The following FOXL2NB variants were observed in gnomAD, a reference collection of about 807,000 sequenced individuals.
The protein encoded by FOXL2NB is FOXL2 neighbor.
A neutral mutation model predicts 7.4 loss-of-function variants in FOXL2NB; 10 were observed. That is an observed-to-expected ratio of 1.34 (90% CI 0.83 to 2.28). The LOEUF (loss-of-function observed/expected upper bound fraction) is 2.28. Ranked by LOEUF, FOXL2NB falls within the 30% of genes most tolerant of loss-of-function variation. The probability of loss-of-function intolerance (pLI) is 0.00; values close to 1 mark genes in which losing one functional copy is unlikely to be tolerated. For synonymous variants in FOXL2NB, 104 were observed against 105.3 expected, an observed-to-expected ratio of 0.99 and a Z score of 0.08; for missense variants, 228 against 233.9, an observed-to-expected ratio of 0.97 and a Z score of 0.17.
chr3:138,950,245 A>T lies in FOXL2NB; in HGVS notation c.221-20A>T, dbSNP rs1268134834. ...CGCGAGCAATCTACACGGCTCTGATACAGACGCTTTTCTCCCCAGGGCCGG... is the reference window on the plus strand; with the variant it reads ...CGCGAGCAATCTACACGGCTCTGATTCAGACGCTTTTCTCCCCAGGGCCGG... On this transcript the variant is annotated intron_variant, in intron 2 of 2. Transcript: ENST00000383165. The T allele has an allele frequency of 9.4e-6, 15 of 1,603,768 alleles. No individual in the cohort carries two copies. The highest frequency in any genetic ancestry group is 4.0e-5 in the African/African-American group (3 of 74,240).
intron 2 of FOXL2NB, 40 bp from the exon 3 acceptor site, chr3:138,950,225 G>A: frequency 1.2e-6 from 2 of 1,604,872 alleles, no homozygotes; most frequent in Non-Finnish European, 8.5e-7. Flanking sequence ...GCCGGCGCGA[G>A]CAATCTACAC....
chr3:138,949,402 G>GTC lies in FOXL2NB; in HGVS notation c.101-117_101-116insCT. 9.0e-7 allele frequency: 1 copy of GTC among 1,111,398 alleles called. No individual in the cohort carries two copies. The highest frequency in any genetic ancestry group is 2.6e-5 in the East Asian group (1 of 38,958). 68.8% of individuals were successfully genotyped at this position (1,111,398 alleles called of 1,614,324 possible). The stretch of plus-strand genomic sequence containing the variant: ...TGTGTATGCATGTGCGTGTGTGTGT[G>GTC]TGTGTGTGTGTGTGTAGGGGTTGGG... On this transcript the variant is annotated intron_variant, in intron 1 of 2. Transcript: ENST00000383165. This position sits in a 1 kb window ranked among gnomAD's most constrained non-coding sequence, Gnocchi z 4.5.
At position 138,952,186 on chromosome 3, in the gene FOXL2NB, A is replaced by G. The variant is rs951599161; in HGVS notation, c.*1614A>G. On this transcript the variant is annotated 3_prime_UTR_variant, in exon 3 of 3. Transcript: ENST00000383165. ...ACAGAGAAGTCTCTGCATTCAGGGC[A>G]GCTGGCTTGCAAGGTAAGGCCTGCA... The G allele has an allele frequency of 6.6e-6, 1 of 152,288 alleles. No individual in the cohort carries two copies. Among genetic ancestry groups the G allele is most frequent in the Non-Finnish European group, 1.5e-5 (1 of 68,074 alleles). 9.4% of individuals were successfully genotyped at this position (152,288 alleles called of 1,614,324 possible). A position where few individuals can be genotyped will look rare whatever the true frequency, so the allele number is the denominator to read the frequency against.
chr3:138,949,791 A>G lies in FOXL2NB; in HGVS notation c.220+152A>G. ...TTGCCGGCCCAGCCAGAGGTGGGTG[A>G]ACCGGGCGCTCCAGGAAACGGTGCG... On this transcript the variant is annotated intron_variant, in intron 2 of 2. Transcript: ENST00000383165. The surrounding 1 kb of genome is among the most constrained non-coding windows in gnomAD (Gnocchi z 4.5). 8.7e-7 allele frequency: 1 copy of G among 1,145,500 alleles called. No individual in the cohort carries two copies. Among genetic ancestry groups the G allele is most frequent in the Non-Finnish European group, 1.3e-6 (1 of 782,418 alleles). 71.0% of individuals were successfully genotyped at this position (1,145,500 alleles called of 1,614,324 possible).
In FOXL2NB at chr3:138,947,773, G is replaced by T. The variant is rs1449161987; in HGVS notation, c.100+309G>T. 1.2e-5 allele frequency: 14 copies of T among 1,129,586 alleles called. No individual in the cohort carries two copies. In the East Asian group the frequency reaches 8.3e-4, roughly 67 times the overall value. The allele number at this position is 1,129,586 out of a possible 1,614,324, so 70.0% of individuals were successfully genotyped here. A position where few individuals can be genotyped will look rare whatever the true frequency, so the allele number is the denominator to read the frequency against. ...TCTCCCTGCGTTACCAGTGGATCTAGGAACCAGGAATCCGTGTACTAATCC... is the reference window on the plus strand; with the variant it reads ...TCTCCCTGCGTTACCAGTGGATCTATGAACCAGGAATCCGTGTACTAATCC... On this transcript the variant is annotated intron_variant, in intron 1 of 2. Coordinates refer to ENST00000383165, the MANE Select transcript of FOXL2NB (RefSeq NM_001040061.3). This position sits in a 1 kb window ranked among gnomAD's most constrained non-coding sequence, Gnocchi z 5.2.
Position 138,949,589 on chromosome 3 carries a change from C to G in FOXL2NB, c.170C>G (p.Pro57Arg). The G allele has an allele frequency of 6.2e-7, 1 of 1,614,154 alleles. No individual in the cohort carries two copies. Among genetic ancestry groups the G allele is most frequent in the Non-Finnish European group, 8.5e-7 (1 of 1,180,038 alleles). Reference sequence around the variant, plus strand: ...CTGGGAAGGGCTGGAATCGGTCTCCCCAAGATGTGCCTTCACATGGCTGTC... The same window carrying G: ...CTGGGAAGGGCTGGAATCGGTCTCCGCAAGATGTGCCTTCACATGGCTGTC... Reference protein sequence around the residue: ...CTLGRAGIGLPKMCLHMAVRH... With the variant: ...CTLGRAGIGLRKMCLHMAVRH... Residue 57 changes from proline to arginine, a missense_variant, in exon 2 of 3, where the codon CCC (proline) becomes CGC (arginine). Physicochemically the swap from Pro to Arg is moderately radical, Grantham distance 103 (BLOSUM62 -2). Transcript: ENST00000383165. This position sits in a 1 kb window ranked among gnomAD's most constrained non-coding sequence, Gnocchi z 4.5.
chr3:138,951,996 T>G lies in FOXL2NB; in HGVS notation c.*1424T>G, dbSNP rs1936140378. ...AGGGACTGTAGCTGAGGAAAAGCGG[T>G]TTGATCATTGACAGCCAGCTCAGGA... is the stretch of plus-strand genomic sequence containing the variant. On this transcript the variant is annotated 3_prime_UTR_variant, in exon 3 of 3. Transcript: ENST00000383165. 6.6e-6 allele frequency: 1 copy of G among 152,206 alleles called. No individual in the cohort carries two copies. The highest frequency in any genetic ancestry group is 6.5e-5 in the Admixed American group (1 of 15,290). The allele number at this position is 152,206 out of a possible 1,614,324, so 9.4% of individuals were successfully genotyped here.
At chr3:138,950,217 C>A (rs1049018403) in intron 2 of FOXL2NB, 48 bp from the exon 3 acceptor site, 9 of 1,597,928 alleles carry the variant, frequency 5.6e-6, no homozygotes, top group African/African-American at 1.3e-5. Flanking sequence ...TCCCGACAGC[C>A]GGCGCGAGCA....
intron 1 of FOXL2NB, among the ~76,000 whole-genome samples, chr3:138,948,213 T>G (rs1254270671): frequency 6.6e-6 from 1 of 152,190 alleles, no homozygotes; most frequent in Non-Finnish European, 1.5e-5. Flanking sequence ...TCCCAGTGTA[T>G]GTATTTTGCC....
Position 138,950,830 on chromosome 3 carries a change from C to G in FOXL2NB, c.*258C>G, listed in dbSNP as rs976023059. The G allele has an allele frequency of 9.3e-6, 5 of 535,640 alleles. No individual in the cohort carries two copies. The highest frequency in any genetic ancestry group is 1.6e-5 in the Non-Finnish European group (5 of 306,824). 33.2% of individuals were successfully genotyped at this position (535,640 alleles called of 1,614,324 possible). ...ACATGTTGGTGGAAAACATGTCAAG[C>G]CAATGTGCAGACCCTAAGGCTTTTC... is the stretch of plus-strand genomic sequence containing the variant. On this transcript the variant is annotated 3_prime_UTR_variant, in exon 3 of 3. Transcript: ENST00000383165.
chr3:138,950,781 T>G lies in FOXL2NB; in HGVS notation c.*209T>G. 1.7e-6 allele frequency: 1 copy of G among 589,418 alleles called. No homozygotes were observed. The highest frequency in any genetic ancestry group is 2.9e-6 in the Non-Finnish European group (1 of 340,844). 36.5% of individuals were successfully genotyped at this position (589,418 alleles called of 1,614,324 possible). A position where few individuals can be genotyped will look rare whatever the true frequency, so the allele number is the denominator to read the frequency against. On this transcript the variant is annotated 3_prime_UTR_variant, in exon 3 of 3. Transcript: ENST00000383165. ...TCCTACTTCTCTCACACTCACCAGC[T>G]ACACGTACTAATTCAGATTTTGCAC... is the stretch of plus-strand genomic sequence containing the variant.
Position 138,947,724 on chromosome 3 carries a change from G to A in FOXL2NB, c.100+260G>A. ...AGGATCTCTGGAAATAGTCGTCAGG[G>A]GCGCCGCCTGAATCACCTCTGCCTC... On this transcript the variant is annotated intron_variant, in intron 1 of 2. Coordinates refer to ENST00000383165, the MANE Select transcript of FOXL2NB (RefSeq NM_001040061.3). This position sits in a 1 kb window ranked among gnomAD's most constrained non-coding sequence, Gnocchi z 5.2. The A allele has an allele frequency of 1.6e-6, 2 of 1,216,524 alleles. No homozygotes were observed. Among genetic ancestry groups the A allele is most frequent in the Non-Finnish European group, 2.0e-6 (2 of 976,194 alleles). The allele number at this position is 1,216,524 out of a possible 1,614,324, so 75.4% of individuals were successfully genotyped here.
At position 138,950,334 on chromosome 3, in the gene FOXL2NB, G is replaced by A; in HGVS notation, c.290G>A (p.Gly97Glu). The change falls in exon 3 of 3, where the codon GGG (glycine) becomes GAG (glutamate). Residue 97 changes from glycine to glutamate, a missense_variant. By Grantham distance (98) the Gly-to-Glu change is moderately conservative. Transcript: ENST00000383165. ...GCTTCCGGCGGCCCAGCTCTACTAG[G>A]GAAGCGTCGCGGCTGCTCTGAGGCA... is the stretch of plus-strand genomic sequence containing the variant. Reference protein sequence around the residue: ...PRASGGPALLGKRRGCSEAGS... With the variant: ...PRASGGPALLEKRRGCSEAGS... 1 of 1,610,428 alleles carries A rather than the reference G, an allele frequency of 6.2e-7. No individual in the cohort carries two copies. Among genetic ancestry groups the A allele is most frequent in the Non-Finnish European group, 8.5e-7 (1 of 1,179,330 alleles).
rs1936125176 is a variant in FOXL2NB at position 138,951,224 on chromosome 3, A to G, written c.*652A>G. 6.6e-6 allele frequency: 1 copy of G among 152,378 alleles called. No individual in the cohort carries two copies. Among genetic ancestry groups the G allele is most frequent in the Non-Finnish European group, 1.5e-5 (1 of 68,170 alleles). 9.4% of individuals were successfully genotyped at this position (152,378 alleles called of 1,614,324 possible). A position where few individuals can be genotyped will look rare whatever the true frequency, so the allele number is the denominator to read the frequency against. Reference sequence around the variant, plus strand: ...GGGATTAGCAAAGTCAGTTACTCACATATGTGCTTGGGAGAGAATAGGGGA... The same window carrying G: ...GGGATTAGCAAAGTCAGTTACTCACGTATGTGCTTGGGAGAGAATAGGGGA... On this transcript the variant is annotated 3_prime_UTR_variant, in exon 3 of 3. Coordinates refer to ENST00000383165, the MANE Select transcript of FOXL2NB (RefSeq NM_001040061.3).
In FOXL2NB at chr3:138,949,608, G is replaced by A; in HGVS notation, c.189G>A (p.Met63Ile). 6.2e-7 allele frequency: 1 copy of A among 1,614,010 alleles called. No homozygotes were observed. The highest frequency in any genetic ancestry group is 8.5e-7 in the Non-Finnish European group (1 of 1,179,962). Residue 63 changes from methionine to isoleucine, a missense_variant, in exon 2 of 3, where the codon ATG (methionine) becomes ATA (isoleucine). Coordinates refer to ENST00000383165, the MANE Select transcript of FOXL2NB (RefSeq NM_001040061.3). This position sits in a 1 kb window ranked among gnomAD's most constrained non-coding sequence, Gnocchi z 4.5. ...GTCTCCCCAAGATGTGCCTTCACAT[G>A]GCTGTCCGGCATTCGAAGGCTCAGA... ...GIGLPKMCLH[M>I]AVRHSKAQKT...
chr3:138,947,604 G>T lies in FOXL2NB; in HGVS notation c.100+140G>T. On this transcript the variant is annotated intron_variant, in intron 1 of 2. Coordinates refer to ENST00000383165, the MANE Select transcript of FOXL2NB (RefSeq NM_001040061.3). This position sits in a 1 kb window ranked among gnomAD's most constrained non-coding sequence, Gnocchi z 5.2. ...AGAGCTGCTCTGAGGCTTTGGGAAA[G>T]TCAGCCCAGAAACGGGTGTGACTGT... 7.1e-7 allele frequency: 1 copy of T among 1,418,410 alleles called. No individual in the cohort carries two copies. The highest frequency in any genetic ancestry group is 9.2e-7 in the Non-Finnish European group (1 of 1,086,262). The allele number at this position is 1,418,410 out of a possible 1,614,324, so 87.9% of individuals were successfully genotyped here.
Position 138,949,731 on chromosome 3 carries a change from A to T in FOXL2NB, c.220+92A>T. On this transcript the variant is annotated intron_variant, in intron 2 of 2. Transcript: ENST00000383165. The surrounding 1 kb of genome is among the most constrained non-coding windows in gnomAD (Gnocchi z 4.5). ...AAAAGCCAGGGGCTTCGGGCTGGAGATAGAGGAATCTAGGGAGAGAACAGA... is the reference window on the plus strand; with the variant it reads ...AAAAGCCAGGGGCTTCGGGCTGGAGTTAGAGGAATCTAGGGAGAGAACAGA... The T allele has an allele frequency of 6.4e-7, 1 of 1,567,326 alleles. No individual in the cohort carries two copies. The highest frequency in any genetic ancestry group is 8.8e-7 in the Non-Finnish European group (1 of 1,142,386).
rs1431933685 is a variant in FOXL2NB, at chr3:138,949,511, G to A, written c.101-9G>A. On this transcript the variant is annotated splice_polypyrimidine_tract_variant and intron_variant, in intron 1 of 2. Transcript: ENST00000383165. The surrounding 1 kb of genome is among the most constrained non-coding windows in gnomAD (Gnocchi z 4.5). Reference sequence around the variant, plus strand: ...AATACTGATTTCTGACTGTCCCGTAGAGGAACAGAATCCCCAGCCCTGGTG... The same window carrying A: ...AATACTGATTTCTGACTGTCCCGTAAAGGAACAGAATCCCCAGCCCTGGTG... 4 of 1,613,926 alleles carry A rather than the reference G, an allele frequency of 2.5e-6. No individual in the cohort carries two copies. The highest frequency in any genetic ancestry group is 3.4e-6 in the Non-Finnish European group (4 of 1,179,998).
At position 138,949,835 on chromosome 3, in the gene FOXL2NB, C is replaced by T. The variant is rs1464966261; in HGVS notation, c.220+196C>T. On this transcript the variant is annotated intron_variant, in intron 2 of 2. Transcript: ENST00000383165. The surrounding 1 kb of genome is among the most constrained non-coding windows in gnomAD (Gnocchi z 4.5). Reference sequence around the variant, plus strand: ...CGGTGCGGGGCGCCCTGATTTACTTCTCAACCTTCGGAGGTAGGCTGGTTG... The same window carrying T: ...CGGTGCGGGGCGCCCTGATTTACTTTTCAACCTTCGGAGGTAGGCTGGTTG... 5.2e-6 allele frequency: 4 copies of T among 770,826 alleles called. No individual in the cohort carries two copies. The highest frequency in any genetic ancestry group is 6.7e-6 in the Non-Finnish European group (3 of 449,080). 47.7% of individuals were successfully genotyped at this position (770,826 alleles called of 1,614,324 possible). A position where few individuals can be genotyped will look rare whatever the true frequency, so the allele number is the denominator to read the frequency against.
Sources: gnomAD v4.1 joint callset for allele counts (sites outside exome capture counted in the v4.1 genomes callset) on GRCh38, gnomAD v4.1.1 for gene constraint, Gnocchi (gnomAD v3.1) non-coding constraint, MANE v1.5 for transcripts, NCBI Gene and HGNC (gene_info 2026-07-23, HGNC 2026-07-21) for gene names.